The following PIH1D2 variants were observed in gnomAD, a reference collection of about 807,000 sequenced individuals.
The protein encoded by PIH1D2 is PIH1 domain containing 2, also known as PIH1 domain-containing protein 2.
In PIH1D2, 25 loss-of-function variants were observed where a neutral mutation model predicts 31.2. That is an observed-to-expected ratio of 0.80 (90% confidence interval 0.58 to 1.12). PIH1D2 has a LOEUF of 1.12. Ranked by LOEUF, PIH1D2 falls within the 50% of genes most tolerant of loss-of-function variation. PIH1D2 has a pLI of 0.00. For missense variants in PIH1D2, 310 were observed against 356.6 expected (o/e 0.87, Z 1.05); for synonymous variants, 116 against 119.9 (o/e 0.97, Z 0.21).
downstream of PIH1D2, chr11:112,062,661 ATAAGT>A (rs1864710227): frequency 1.7e-6 from 2 of 1,161,326 alleles, no homozygotes; most frequent in East Asian, 5.2e-5. Flanking sequence ...GTCTGTCCAG[ATAAGT>A]TATTTATAAT....
rs1865196938 is a variant in PIH1D2 at position 112,073,088 on chromosome 11, G to T, written c.87C>A (p.Gly29=). 1 of 1,614,052 alleles carries T rather than the reference G, an allele frequency of 6.2e-7. No homozygotes were observed. The highest frequency in any genetic ancestry group is 8.5e-7 in the Non-Finnish European group (1 of 1,179,976). ...LDDLAQSDPE[G]YEKFIQQQLK... is the part of the protein sequence containing the mutation. Reference sequence around the variant, plus strand: ...GCTGCTGCTGAATAAACTTCTCATAGCCCTCAGGGTCACTCTGAGCTAGAT... The same window carrying T: ...GCTGCTGCTGAATAAACTTCTCATATCCCTCAGGGTCACTCTGAGCTAGAT... Residue 29 remains glycine (G), a synonymous_variant, in exon 2 of 6, where the codon GGC becomes GGA. Coordinates refer to ENST00000280350, the MANE Select transcript of PIH1D2 (RefSeq NM_138789.4).
chr11:112,059,835 T>C (rs1864440703), downstream of PIH1D2: 1 of 1,362,794 alleles, frequency 7.3e-7, no homozygotes, highest in Admixed American at 2.5e-5. Flanking sequence ...ATAAATATTC[T>C]TGCTTAACCT....
the PIH1D2 span, among the ~76,000 whole-genome samples, chr11:112,054,189 G>A: frequency 2.6e-5 from 4 of 151,846 alleles, no homozygotes; most frequent in African/African-American, 9.7e-5. Flanking sequence ...GGTGGTGCGC[G>A]CCTGTAGTCC....
downstream of PIH1D2, chr11:112,067,685 A>AAAAAAAAAAATATATATATATATATAT: frequency 1.1e-4 from 2 of 17,800 alleles, no homozygotes; most frequent in Non-Finnish European, 2.2e-4. Flanking sequence ...AAAAAAAAAA[A>AAAAAAAAAAATATATATATATATATAT]ATATATATAT....
downstream of PIH1D2, among the ~76,000 whole-genome samples, chr11:112,067,479 C>T (rs1864958703): frequency 2.0e-5 from 3 of 150,046 alleles, no homozygotes; most frequent in South Asian, 6.4e-4. Flanking sequence ...GCCTAGTCAA[C>T]ATGGTGAAAC....
chr11:112,062,499 A>G, downstream of PIH1D2: 1 of 1,612,612 alleles, frequency 6.2e-7, no homozygotes, highest in East Asian at 2.2e-5. Flanking sequence ...CTGAGTTTAG[A>G]AAGTACCTTG....
downstream of PIH1D2, chr11:112,062,279 A>G (rs1350044249): frequency 4.0e-6 from 4 of 993,966 alleles, no homozygotes; most frequent in African/African-American, 6.3e-5. Flanking sequence ...GGTATAGGAG[A>G]CTGGAAGAGT....
At chr11:112,058,013 T>G in the PIH1D2 span, among the ~76,000 whole-genome samples, 1 of 152,222 alleles carries the variant, frequency 6.6e-6, no homozygotes, top group African/African-American at 2.4e-5. Context: ...AAAATTCATG[T>G]GACTCGCTTT....
chr11:112,061,243 C>A (rs1231188396), downstream of PIH1D2: 1 of 1,574,018 alleles, frequency 6.4e-7, no homozygotes, highest in Non-Finnish European at 8.7e-7. Context: ...CCTGTGGTAT[C>A]CTCAGGGGAT....
chr11:112,069,275 A>G lies in PIH1D2; in HGVS notation c.813+1161T>C, dbSNP rs587721480. 5.3e-5 allele frequency among the ~76,000 whole-genome samples: 8 copies of G among 152,064 alleles called. No homozygotes were observed. In the South Asian group the frequency reaches 1.7e-3, roughly 32 times the overall value. On this transcript the variant is annotated intron_variant, in intron 5 of 5. Transcript: ENST00000280350. ...CCCTTCGGCCTCCCAAAATCCTAGG[A>G]TTACAGGCATGAGTCACCGTACCCA...
intron 5 of PIH1D2, among the ~76,000 whole-genome samples, chr11:112,069,167 GT>G (rs1332766849): frequency 6.6e-6 from 1 of 150,420 alleles, no homozygotes; most frequent in Admixed American, 6.6e-5. Flanking sequence ...CCCGGCTGAT[GT>G]TTTTTTTGTA....
At chr11:112,067,279 A>G (rs587660697), downstream of PIH1D2, among the ~76,000 whole-genome samples, 33 of 152,336 alleles carry the variant, frequency 2.2e-4, no homozygotes, top group African/African-American at 7.7e-4. Context: ...TTCCCAAATT[A>G]TAAGTTACTT....
chr11:112,073,754 G>A (rs892686202), intron 1 of PIH1D2, among the ~76,000 whole-genome samples: 4 of 152,176 alleles, frequency 2.6e-5, no homozygotes, highest in African/African-American at 9.7e-5. Flanking sequence ...GAGAGGCTGG[G>A]ACACTTCTCT....
At chr11:112,068,070 C>A in intron 5 of PIH1D2, 65 bp from the exon 6 acceptor site, 3 of 1,103,148 alleles carry the variant, frequency 2.7e-6, no homozygotes, top group South Asian at 1.4e-5. Flanking sequence ...TTATTGTTCC[C>A]AGTTATTCAC....
In PIH1D2 at chr11:112,069,156, G is replaced by A. The variant is rs1346849974; in HGVS notation, c.814-1151C>T. Among the ~76,000 whole-genome samples the A allele has an allele frequency of 2.6e-5, 4 of 151,176 alleles. 1 individual carries two copies. The highest frequency in any genetic ancestry group is 2.0e-4 in the Admixed American group (3 of 15,180). On this transcript the variant is annotated intron_variant, in intron 5 of 5. Transcript: ENST00000280350. ...TGGGACTACAGGTGCCCACCACCACGCCCGGCTGATGTTTTTTTTGTATTT... is the reference window on the plus strand; with the variant it reads ...TGGGACTACAGGTGCCCACCACCACACCCGGCTGATGTTTTTTTTGTATTT...
intron 2 of PIH1D2, among the ~76,000 whole-genome samples, chr11:112,072,115 A>T (rs1201109693): frequency 2.0e-5 from 3 of 152,140 alleles, no homozygotes; most frequent in African/African-American, 7.2e-5. Context: ...AAACAAAAAC[A>T]TTTAAAAAAT....
chr11:112,059,051 TA>T (rs782171316), downstream of PIH1D2, among the ~76,000 whole-genome samples: 1,240 of 139,810 alleles, frequency 8.9e-3, 4 homozygotes, highest in African/African-American at 0.017. Flanking sequence ...TGATATTGTG[TA>T]AAAAAAAAAA....
downstream of PIH1D2, among the ~76,000 whole-genome samples, chr11:112,066,858 T>TGGA (rs587732890): frequency 1.6e-3 from 248 of 151,536 alleles, no homozygotes; most frequent in African/African-American, 5.9e-3. Flanking sequence ...AGGTCAGGAG[T>TGGA]TCAAGACCAG....
rs1865080177 is a variant in PIH1D2, at chr11:112,070,687, G to A, written c.562C>T (p.Gln188Ter). Residue 188 changes from glutamine (Q) to a stop codon, truncating the protein, a stop_gained, in exon 5 of 6, where the codon CAG (glutamine) becomes TAG (stop). Transcript: ENST00000280350. LOFTEE classifies it high-confidence loss of function. ...EKMRRELTLG[Q>*]IRSSTMSNPD... ...TTGCTCATAGTACTGCTTCGTATCTGTCCAAGAGTTAGTTCTTTATGAAAA... is the reference window on the plus strand; with the variant it reads ...TTGCTCATAGTACTGCTTCGTATCTATCCAAGAGTTAGTTCTTTATGAAAA... 2.5e-6 allele frequency: 4 copies of A among 1,613,042 alleles called. No homozygotes were observed. Among genetic ancestry groups the A allele is most frequent in the Non-Finnish European group, 3.4e-6 (4 of 1,179,346 alleles).
Sources: gnomAD v4.1 joint callset for allele counts (sites outside exome capture counted in the v4.1 genomes callset) on GRCh38, gnomAD v4.1.1 for gene constraint, MANE v1.5 for transcripts, NCBI Gene and HGNC (gene_info 2026-07-23, HGNC 2026-07-21) for gene names.